Variants in PTPRJ observed in about 807,000 individuals in gnomAD.
PTPRJ encodes the protein protein tyrosine phosphatase receptor type J, also known as receptor-type tyrosine-protein phosphatase eta.
A neutral mutation model predicts 141.3 loss-of-function variants in PTPRJ; 129 were observed. The ratio of observed to expected loss-of-function variants is 0.91; its 90% CI spans 0.79 to 1.06. The LOEUF is 1.06. PTPRJ is among the 50% of genes least tolerant of loss of function. The pLI is 0.00. For synonymous variants in PTPRJ, 610 were observed against 640.5 expected (o/e 0.95, Z 0.72); for missense variants, 1,601 against 1,679.7 (o/e 0.95, Z 0.82).
chr11:48,035,959 A>T, intron 1 of PTPRJ, among the ~76,000 whole-genome samples: 1 of 152,208 alleles, frequency 6.6e-6, no homozygotes, highest in East Asian at 1.9e-4. Context: ...TTACTACCCC[A>T]TTTGGGGTTG....
chr11:48,006,793 A>G (rs934751168), intron 1 of PTPRJ, among the ~76,000 whole-genome samples: 2 of 152,144 alleles, frequency 1.3e-5, no homozygotes, highest in Admixed American at 6.5e-5. Context: ...TGGGTTTTGT[A>G]AAAAGCTTGT....
chr11:48,117,859 A>G (rs1160844525), intron 3 of PTPRJ, among the ~76,000 whole-genome samples: 2 of 152,200 alleles, frequency 1.3e-5, no homozygotes, highest in African/African-American at 4.8e-5. Context: ...CGCTACTCAA[A>G]TAAGAAAATC....
chr11:47,996,605 T>C (rs978662827), intron 1 of PTPRJ, among the ~76,000 whole-genome samples: 3 of 152,224 alleles, frequency 2.0e-5, no homozygotes, highest in African/African-American at 7.2e-5. Flanking sequence ...TGGCACTTAG[T>C]AGGCCTGAGC....
At chr11:48,071,153 T>A (rs766953947) in intron 1 of PTPRJ, among the ~76,000 whole-genome samples, 1 of 152,212 alleles carries the variant, frequency 6.6e-6, no homozygotes, top group Non-Finnish European at 1.5e-5. Context: ...TCTAGTTCAC[T>A]TTTCTTCCAG....
At chr11:48,117,335 G>C (rs1856593083) in intron 3 of PTPRJ, among the ~76,000 whole-genome samples, 2 of 151,918 alleles carry the variant, frequency 1.3e-5, no homozygotes, top group South Asian at 2.1e-4. Flanking sequence ...GAGGTCAGGA[G>C]TTCGAGACCA....
chr11:48,065,324 G>GT (rs1467800343), intron 1 of PTPRJ, among the ~76,000 whole-genome samples: 9 of 151,972 alleles, frequency 5.9e-5, no homozygotes, highest in South Asian at 2.1e-4. Flanking sequence ...AACTGCTTTG[G>GT]TTTCTGAGTC....
intron 1 of PTPRJ, among the ~76,000 whole-genome samples, chr11:48,109,600 G>C (rs1402506469): frequency 1.3e-5 from 2 of 152,202 alleles, no homozygotes; most frequent in South Asian, 4.1e-4. Flanking sequence ...CCACTGTGCT[G>C]TCAGGACTGG....
rs1858020793 is a variant in PTPRJ, at chr11:48,170,135, T to C, written c.*2773T>C. On this transcript the variant is annotated 3_prime_UTR_variant, in exon 25 of 25. Coordinates refer to ENST00000418331, the MANE Select transcript of PTPRJ (RefSeq NM_002843.4). ...GGATGGTGTGAGCACCCCTGTTCAG[T>C]CTTTGACAATTGCATACAGAAAAGC... 6.6e-6 allele frequency: 1 copy of C among 152,124 alleles called. No individual in the cohort carries two copies. Among genetic ancestry groups the C allele is most frequent in the Non-Finnish European group, 1.5e-5 (1 of 68,034 alleles). The allele number at this position is 152,124 out of a possible 1,614,324, so 9.4% of individuals were successfully genotyped here. A position where few individuals can be genotyped will look rare whatever the true frequency, so the allele number is the denominator to read the frequency against.
chr11:48,059,187 A>G (rs538992480), intron 1 of PTPRJ, among the ~76,000 whole-genome samples: 2 of 129,210 alleles, frequency 1.5e-5, no homozygotes, highest in African/African-American at 6.1e-5. Flanking sequence ...CAATGGCGTG[A>G]TCTCAGCTCA....
intron 1 of PTPRJ, among the ~76,000 whole-genome samples, chr11:48,009,057 A>T (rs1565255273): frequency 6.6e-6 from 1 of 152,302 alleles, no homozygotes; most frequent in East Asian, 1.9e-4. Flanking sequence ...GAGTGGTATC[A>T]GGGTTGCAGG....
chr11:48,027,822 A>AT (rs1853865113), intron 1 of PTPRJ, among the ~76,000 whole-genome samples: 2 of 136,436 alleles, frequency 1.5e-5, no homozygotes, highest in South Asian at 4.5e-4. Context: ...AAAAAAAAAA[A>AT]TCTTCAGTGC....
chr11:48,069,551 G>A (rs768913880), intron 1 of PTPRJ, among the ~76,000 whole-genome samples: 19 of 147,738 alleles, frequency 1.3e-4, no homozygotes, highest in Non-Finnish European at 2.4e-4. Flanking sequence ...CTGGGTTCAC[G>A]CCATTCTCCT....
intron 3 of PTPRJ, among the ~76,000 whole-genome samples, chr11:48,119,038 A>AG (rs1448260249): frequency 6.6e-6 from 1 of 151,620 alleles, no homozygotes; most frequent in African/African-American, 2.4e-5. Flanking sequence ...AAAAAAAAAA[A>AG]AAGAAATAAT....
chr11:48,061,260 G>A (rs748020894), intron 1 of PTPRJ, among the ~76,000 whole-genome samples: 1 of 152,192 alleles, frequency 6.6e-6, no homozygotes, highest in African/African-American at 2.4e-5. Flanking sequence ...ACAGGCATGA[G>A]CCACTGTGCC....
At chr11:48,053,240 ATATT>A in intron 1 of PTPRJ, among the ~76,000 whole-genome samples, 1 of 88,274 alleles carries the variant, frequency 1.1e-5, no homozygotes, top group Middle Eastern at 4.3e-3. Context: ...TATATATAAT[ATATT>A]TATATAATAT....
At chr11:48,053,101 A>G (rs1380231879) in intron 1 of PTPRJ, among the ~76,000 whole-genome samples, 3 of 126,818 alleles carry the variant, frequency 2.4e-5, no homozygotes, top group South Asian at 4.3e-4. Flanking sequence ...AAAAATTTAT[A>G]TAATATATAT....
chr11:48,086,233 G>A (rs985756371), intron 1 of PTPRJ, among the ~76,000 whole-genome samples: 9 of 152,162 alleles, frequency 5.9e-5, no homozygotes, highest in Non-Finnish European at 1.2e-4. Context: ...GAGTGCAGTG[G>A]CATGATCTCG....
chr11:48,030,839 A>G (rs535897837), intron 1 of PTPRJ, among the ~76,000 whole-genome samples: 5 of 152,342 alleles, frequency 3.3e-5, no homozygotes, highest in Non-Finnish European at 5.9e-5. Flanking sequence ...TCCATGGAAC[A>G]CTTCTGCTTA....
In PTPRJ at chr11:48,136,246, C is replaced by T; in HGVS notation, c.1823C>T (p.Pro608Leu). Residue 608 changes from proline (P) to leucine (L), a missense_variant, in exon 9 of 25, where the codon CCA becomes CTA. Physicochemically the swap from Pro to Leu is moderately conservative, Grantham distance 98 (BLOSUM62 -3). Transcript: ENST00000418331. The part of the protein sequence containing the change: ...PGTLYNITIS[P>L]EVDHVWGDPN... ...ACCTTATATAACATCACCATCTCTC[C>T]AGAAGTGGACCACGTCTGGGGGGAC... 1 of 1,614,224 alleles carries T rather than the reference C, an allele frequency of 6.2e-7. No homozygotes were observed. The highest frequency in any genetic ancestry group is 1.1e-5 in the South Asian group (1 of 91,082).
Sources: allele counts gnomAD v4.1 joint callset (sites outside exome capture counted in the v4.1 genomes callset), GRCh38; gene constraint gnomAD v4.1.1; transcripts MANE v1.5; gene names NCBI Gene and HGNC (gene_info 2026-07-23, HGNC 2026-07-21).